TMEM45A: variants seen among roughly 807,000 people sequenced by gnomAD.
The protein encoded by TMEM45A is transmembrane protein 45A.
Under a neutral mutation model 32.0 loss-of-function variants are expected in TMEM45A, and 25 were observed. That is an observed-to-expected ratio of 0.78 (90% CI 0.57 to 1.09). The LOEUF (loss-of-function observed/expected upper bound fraction) is 1.09, where lower values mean the gene tolerates loss of function less well. Ranked by LOEUF, TMEM45A falls within the 50% of genes least tolerant of loss-of-function variation. TMEM45A has a pLI of 0.00. For missense variants in TMEM45A, 302 were observed against 325.0 expected (o/e 0.93, Z 0.54); for synonymous variants, 122 against 114.8 (o/e 1.06, Z -0.40).
intron 1 of TMEM45A, among the ~76,000 whole-genome samples, chr3:100,508,828 T>C (rs1312742446): frequency 6.7e-6 from 1 of 148,616 alleles, no homozygotes; most frequent in East Asian, 1.9e-4. Flanking sequence ...AAACTCAAAA[T>C]GGATTAAAAA....
chr3:100,525,046 G>A (rs1705514015), intron 1 of TMEM45A, among the ~76,000 whole-genome samples: 1 of 151,886 alleles, frequency 6.6e-6, no homozygotes, highest in Non-Finnish European at 1.5e-5. Flanking sequence ...AAATTAGCCG[G>A]GTGTGGCAAT....
At chr3:100,524,716 G>T (rs1349589319) in intron 1 of TMEM45A, among the ~76,000 whole-genome samples, 2 of 152,208 alleles carry the variant, frequency 1.3e-5, no homozygotes, top group African/African-American at 4.8e-5. Flanking sequence ...TTTTGAGTCT[G>T]TGGAGGCTTT....
chr3:100,551,148 G>A (rs1706092399), intron 1 of TMEM45A, among the ~76,000 whole-genome samples: 1 of 151,800 alleles, frequency 6.6e-6, no homozygotes, highest in Admixed American at 6.6e-5. Flanking sequence ...CTAGTAGCTG[G>A]GACTACAGGT....
chr3:100,557,117 C>A, intron 3 of TMEM45A, 145 bp downstream of exon 3: 3 of 903,286 alleles, frequency 3.3e-6, no homozygotes, highest in Non-Finnish European at 5.1e-6. Flanking sequence ...TTTGGGTGTC[C>A]TAGGCAGGGC....
chr3:100,552,122 G>A (rs1706118543), intron 1 of TMEM45A, among the ~76,000 whole-genome samples: 1 of 152,074 alleles, frequency 6.6e-6, no homozygotes, highest in African/African-American at 2.4e-5. Flanking sequence ...TATGTTTAAA[G>A]TATTTATTAG....
chr3:100,523,721 C>CTTCTCCTCCTCCT (rs1366022976), intron 1 of TMEM45A, among the ~76,000 whole-genome samples: 2,800 of 149,876 alleles, frequency 0.019, 114 homozygotes, highest in African/African-American at 0.067. Context: ...CTTTCTCCTC[C>CTTCTCCTCCTCCT]TTCTCCTCCT....
At chr3:100,494,673 T>C (rs1707896954) in intron 1 of TMEM45A, among the ~76,000 whole-genome samples, 1 of 151,214 alleles carries the variant, frequency 6.6e-6, no homozygotes, top group African/African-American at 2.4e-5. Flanking sequence ...TTCAGAAAGG[T>C]AATGCATACA....
chr3:100,534,024 C>G (rs746109286), intron 1 of TMEM45A, among the ~76,000 whole-genome samples: 34 of 152,224 alleles, frequency 2.2e-4, no homozygotes, highest in Non-Finnish European at 4.1e-4. Flanking sequence ...ATGAGCTGTT[C>G]AAGCCAAATG....
At chr3:100,530,874 T>G (rs181214595) in intron 1 of TMEM45A, among the ~76,000 whole-genome samples, 1 of 152,352 alleles carries the variant, frequency 6.6e-6, no homozygotes, top group East Asian at 1.9e-4. Flanking sequence ...AACTATTTTG[T>G]CCTGTAGAAT....
At chr3:100,567,033 TG>T (rs1417563777) in intron 4 of TMEM45A, among the ~76,000 whole-genome samples, 2 of 152,070 alleles carry the variant, frequency 1.3e-5, no homozygotes, top group East Asian at 3.8e-4. Context: ...GTGCTTTTGG[TG>T]TCGTAGCTTA....
At chr3:100,542,703 C>T (rs1705909189) in intron 1 of TMEM45A, among the ~76,000 whole-genome samples, 1 of 152,086 alleles carries the variant, frequency 6.6e-6, no homozygotes. Context: ...ACTATGCAAC[C>T]ATAAAAAGGA....
At position 100,556,938 on chromosome 3, in the gene TMEM45A, C is replaced by T. The variant is rs756246791; in HGVS notation, c.369C>T (p.Thr123=). ...TCAGTTCACTTCCTGTGTCCTTAAC[C>T]AAGTTAATGTTGTCAAATGCCTTAT... ...FTISSLPVSL[T]KLMLSNALFV... The change falls in exon 3 of 6, where the codon ACC becomes ACT. Residue 123 remains threonine, a synonymous_variant. Transcript: ENST00000323523. 6.2e-7 allele frequency: 1 copy of T among 1,614,142 alleles called. No individual in the cohort carries two copies. Among genetic ancestry groups the T allele is most frequent in the Non-Finnish European group, 8.5e-7 (1 of 1,180,020 alleles).
chr3:100,505,615 A>G (rs533890886), intron 1 of TMEM45A, among the ~76,000 whole-genome samples: 2 of 152,356 alleles, frequency 1.3e-5, no homozygotes, highest in Admixed American at 6.5e-5. Flanking sequence ...TGTTCTGTGT[A>G]ATGATACTGG....
intron 1 of TMEM45A, among the ~76,000 whole-genome samples, chr3:100,514,703 G>A (rs1481792468): frequency 4.6e-5 from 7 of 151,978 alleles, no homozygotes; most frequent in Non-Finnish European, 1.0e-4. Context: ...TACAAAATGG[G>A]AGAAAATGTT....
chr3:100,507,419 C>T (rs1708093282), intron 1 of TMEM45A, among the ~76,000 whole-genome samples: 1 of 152,244 alleles, frequency 6.6e-6, no homozygotes, highest in Non-Finnish European at 1.5e-5. Context: ...AAGATGATCA[C>T]AAGATATTAC....
In TMEM45A at chr3:100,556,789, GGGCCCCA is replaced by G; in HGVS notation, c.221_227del (p.Gly74ValfsTer2). 1.2e-6 allele frequency: 2 copies of G among 1,613,836 alleles called. No individual in the cohort carries two copies. Among genetic ancestry groups the G allele is most frequent in the Non-Finnish European group, 1.7e-6 (2 of 1,179,902 alleles). Reference sequence around the variant, plus strand: ...GGCTGGGGAGCAGTTTATTCCTGGAGGGCCCCATCTGATGTTATATGACTATAAACAA... The same window carrying G: ...GGCTGGGGAGCAGTTTATTCCTGGAGTCTGATGTTATATGACTATAAACAA... On this transcript the variant is annotated frameshift_variant, in exon 3 of 6. Transcript: ENST00000323523. LOFTEE classifies it high-confidence loss of function.
intron 1 of TMEM45A, among the ~76,000 whole-genome samples, chr3:100,541,544 T>C (rs1438780611): frequency 8.3e-5 from 9 of 107,890 alleles, no homozygotes; most frequent in African/African-American, 2.3e-4. Context: ...TTTTTTTTTT[T>C]CTGAGACAGG....
intron 1 of TMEM45A, among the ~76,000 whole-genome samples, chr3:100,495,872 C>T (rs919547610): frequency 2.0e-5 from 3 of 152,146 alleles, no homozygotes; most frequent in African/African-American, 7.2e-5. Context: ...TTGTTACAAC[C>T]CTCCCCATCC....
chr3:100,493,406 C>T (rs550455987), intron 1 of TMEM45A, among the ~76,000 whole-genome samples: 2 of 151,934 alleles, frequency 1.3e-5, no homozygotes, highest in South Asian at 2.1e-4. Flanking sequence ...TTACGTAAAA[C>T]CTGGGTTATG....
Sources: allele counts gnomAD v4.1 joint callset (sites outside exome capture counted in the v4.1 genomes callset), GRCh38; gene constraint gnomAD v4.1.1; transcripts MANE v1.5; gene names NCBI Gene and HGNC (gene_info 2026-07-23, HGNC 2026-07-21).